Variants in UBXN6 observed in about 807,000 individuals in gnomAD.
UBXN6 encodes UBX domain protein 6.
UBXN6 carries 44 observed loss-of-function variants against 51.4 expected under a neutral mutation model. The observed-to-expected ratio is 0.86, with a 90% CI of 0.67 to 1.10. UBXN6 has a LOEUF of 1.10. UBXN6 is among the 50% of genes least tolerant of loss of function. UBXN6 has a pLI of 0.00. For missense variants in UBXN6, 672 were observed against 596.1 expected, an observed-to-expected ratio of 1.13 and a Z score of -1.32; for synonymous variants, 316 against 263.2, an observed-to-expected ratio of 1.20 and a Z score of -1.94.
At position 4,446,132 on chromosome 19, in the gene UBXN6, C is replaced by A. The variant is rs754611823; in HGVS notation, c.1117G>T (p.Asp373Tyr). ...YGFVREALQSDWLPFELLASG... is the reference protein window; with the variant it reads ...YGFVREALQSYWLPFELLASG... ...GCCAGCAGCTCAAAAGGCAGCCAGT[C>A]GCTCTGCAGGGCCTCCCGGACGAAC... The change falls in exon 10 of 11, where the codon GAC becomes TAC. Residue 373 changes from aspartate (D) to tyrosine (Y), a missense_variant. Physicochemically the swap from Asp to Tyr is radical, Grantham distance 160 (BLOSUM62 -3). Coordinates refer to ENST00000301281, the MANE Select transcript of UBXN6 (RefSeq NM_025241.3). 65 of 1,612,348 alleles carry A rather than the reference C, an allele frequency of 4.0e-5. 1 individual carries two copies. The South Asian group carries it at 4.6e-4, about 11-fold the overall frequency.
chr19:4,457,803 A>ATT (rs1568194788), upstream of UBXN6: 114 of 522,252 alleles, frequency 2.2e-4, 2 homozygotes, highest in Non-Finnish European at 2.7e-4. Context: ...ATTAAAAAAA[A>ATT]AAAAAAAAAA....
chr19:4,451,018 A>T (rs1974644737), intron 4 of UBXN6, among the ~76,000 whole-genome samples: 1 of 152,026 alleles, frequency 6.6e-6, no homozygotes, highest in African/African-American at 2.4e-5. Flanking sequence ...AGTGGGTGTG[A>T]GTCTGGAGAG....
At position 4,453,967 on chromosome 19, in the gene UBXN6, G is replaced by A; in HGVS notation, c.210C>T (p.Ala70=). 6.2e-7 allele frequency: 1 copy of A among 1,611,286 alleles called. No individual in the cohort carries two copies. Among genetic ancestry groups the A allele is most frequent in the Non-Finnish European group, 8.5e-7 (1 of 1,179,838 alleles). Residue 70 remains alanine (A), a synonymous_variant, in exon 2 of 11, where the codon GCC becomes GCT. Transcript: ENST00000301281. ...LARLEQKQSR[A]WGPTSQDTIR... ...TGGTGTCCTGCGATGTGGGGCCCCAGGCCCGGGACTGCTTCTGCTCCAGCC... is the reference window on the plus strand; with the variant it reads ...TGGTGTCCTGCGATGTGGGGCCCCAAGCCCGGGACTGCTTCTGCTCCAGCC...
intron 1 of UBXN6, among the ~76,000 whole-genome samples, chr19:4,454,351 G>A (rs1974707714): frequency 6.6e-6 from 1 of 152,164 alleles, no homozygotes; most frequent in Admixed American, 6.6e-5. Flanking sequence ...TGCCCCCACT[G>A]GCCCTCAGCG....
At chr19:4,445,827 C>T (rs1459222045) in intron 10 of UBXN6, 19 of 1,042,410 alleles carry the variant, frequency 1.8e-5, no homozygotes, top group Middle Eastern at 6.3e-4. Flanking sequence ...AGCTAACGCA[C>T]GTCACCGCTC....
Position 4,453,530 on chromosome 19 carries a change from G to A in UBXN6, c.248-8C>T, listed in dbSNP as rs2145187429. 1 of 1,613,312 alleles carries A rather than the reference G, an allele frequency of 6.2e-7. No homozygotes were observed. The highest frequency in any genetic ancestry group is 2.2e-5 in the East Asian group (1 of 44,876). ...CTTGAAGTTCCTTTCTCACTGGAAG[G>A]CAGCCCAAGAAAGAGAGGCAGAGAC... On this transcript the variant is annotated splice_polypyrimidine_tract_variant and splice_region_variant and intron_variant, in intron 2 of 10. Coordinates refer to ENST00000301281, the MANE Select transcript of UBXN6 (RefSeq NM_025241.3).
At position 4,446,865 on chromosome 19, in the gene UBXN6, T is replaced by C. The variant is rs1974542434; in HGVS notation, c.671A>G (p.Gln224Arg). 1 of 1,613,934 alleles carries C rather than the reference T, an allele frequency of 6.2e-7. No individual in the cohort carries two copies. Among genetic ancestry groups the C allele is most frequent in the African/African-American group, 1.3e-5 (1 of 74,940 alleles). ...THEFFEAIGF[Q>R]KVLLPAQDQE... The stretch of plus-strand genomic sequence containing the variant: ...ATCCTGGGCGGGAAGCAACACCTTC[T>C]GGAACCCAATGGCCTCAAAAAACTC... Residue 224 changes from glutamine (Q) to arginine (R), a missense_variant, in exon 7 of 11, where the codon CAG becomes CGG. Gln to Arg is a conservative substitution (Grantham distance 43). Transcript: ENST00000301281.
upstream of UBXN6, chr19:4,457,794 TTAAAAAA>T (rs1466094626): frequency 9.1e-4 from 147 of 161,458 alleles, 9 homozygotes; most frequent in Middle Eastern, 9.2e-3. Flanking sequence ...CGGAAGAAAA[TTAAAAAA>T]AAAAAAAAAA....
intron 3 of UBXN6, 125 bp from the exon 4 acceptor site, chr19:4,452,617 A>C: frequency 7.5e-7 from 1 of 1,332,594 alleles, no homozygotes; most frequent in Non-Finnish European, 9.9e-7. Context: ...TGTCCCTTCC[A>C]CCTGGTGGCC....
chr19:4,452,561 AGTCCTGAGTG>A, intron 3 of UBXN6, 69 bp from the exon 4 acceptor site: 1 of 1,536,140 alleles, frequency 6.5e-7, no homozygotes. Flanking sequence ...CGAGCACCAC[AGTCCTGAGTG>A]TGGCCCGTAG....
rs1974491778 is a variant in UBXN6, at chr19:4,445,584, CAGCCATGTCCCACGAGA to C, written c.1223_1239del (p.Phe408CysfsTer31). The C allele has an allele frequency of 3.1e-6, 5 of 1,613,752 alleles. No homozygotes were observed. Among genetic ancestry groups the C allele is most frequent in the Non-Finnish European group, 4.2e-6 (5 of 1,180,004 alleles). On this transcript the variant is annotated frameshift_variant, in exon 11 of 11. Transcript: ENST00000301281. LOFTEE classifies it high-confidence loss of function. ...CCCGCGGCCTTGATGTCCTCCAGCA[CAGCCATGTCCCACGAGA>C]AGGTCAGGAGGGCAGAGGGCACCTG...
rs1169390216 is a variant in UBXN6 at position 4,453,388 on chromosome 19, CT to C, written c.312+69del. 10 of 1,547,446 alleles carry C rather than the reference CT, an allele frequency of 6.5e-6. No homozygotes were observed. In the African/African-American group the frequency reaches 1.4e-4, roughly 21 times the overall value. On this transcript the variant is annotated intron_variant, in intron 3 of 10. Transcript: ENST00000301281. ...TGAGCCCCAAGGGCAGAGGCCACAT[CT>C]CCCCCGTGACACAGTCAAGCTGTCC...
At chr19:4,447,467 C>A in intron 6 of UBXN6, 83 bp downstream of exon 6, 2 of 1,503,700 alleles carry the variant, frequency 1.3e-6, no homozygotes, top group Middle Eastern at 2.3e-4. Flanking sequence ...GAGCCCACCG[C>A]CTGGTGTGGG....
At chr19:4,446,767 C>G in intron 7 of UBXN6, 48 bp from the exon 8 acceptor site, 1 of 1,612,040 alleles carries the variant, frequency 6.2e-7, no homozygotes, top group Non-Finnish European at 8.5e-7. Flanking sequence ...GAGAGACCCC[C>G]AAGCCGGGCC....
At position 4,445,285 on chromosome 19, in the gene UBXN6, C is replaced by A; in HGVS notation, c.*213G>T. On this transcript the variant is annotated 3_prime_UTR_variant, in exon 11 of 11. Transcript: ENST00000301281. ...ATTTGTTGGTGTCCCCAGGCCTCTC[C>A]CTCGGGGGCTTGGGCGCATCCCCAC... is the stretch of plus-strand genomic sequence containing the variant. 4 of 733,000 alleles carry A rather than the reference C, an allele frequency of 5.5e-6. No individual in the cohort carries two copies. Among genetic ancestry groups the A allele is most frequent in the Non-Finnish European group, 8.8e-6 (4 of 453,850 alleles). 45.4% of individuals were successfully genotyped at this position (733,000 alleles called of 1,614,324 possible). A position where few individuals can be genotyped will look rare whatever the true frequency, so the allele number is the denominator to read the frequency against.
chr19:4,453,862 AGGGCC>A (rs1599680795), intron 2 of UBXN6, 63 bp downstream of exon 2: 2 of 771,002 alleles, frequency 2.6e-6, no homozygotes, highest in East Asian at 3.0e-4. Context: ...TTCTGCATCC[AGGGCC>A]AGGCACCAGG....
At chr19:4,454,360 C>T (rs559917487) in intron 1 of UBXN6, among the ~76,000 whole-genome samples, 1 of 152,214 alleles carries the variant, frequency 6.6e-6, no homozygotes, top group East Asian at 1.9e-4. Flanking sequence ...TGGCCCTCAG[C>T]GTCCTCATCT....
intron 1 of UBXN6, among the ~76,000 whole-genome samples, chr19:4,456,291 C>G (rs1271546944): frequency 6.7e-6 from 1 of 150,220 alleles, no homozygotes; most frequent in Non-Finnish European, 1.5e-5. Flanking sequence ...ACCCCTCTCC[C>G]TCCCTCACTC....
In UBXN6 at chr19:4,445,284, C is replaced by T. The variant is rs1974481495; in HGVS notation, c.*214G>A. On this transcript the variant is annotated 3_prime_UTR_variant, in exon 11 of 11. Transcript: ENST00000301281. The stretch of plus-strand genomic sequence containing the variant: ...GATTTGTTGGTGTCCCCAGGCCTCT[C>T]CCTCGGGGGCTTGGGCGCATCCCCA... 4.2e-6 allele frequency: 3 copies of T among 722,346 alleles called. No individual in the cohort carries two copies. Among genetic ancestry groups the T allele is most frequent in the African/African-American group, 1.8e-5 (1 of 56,136 alleles). 44.7% of individuals were successfully genotyped at this position (722,346 alleles called of 1,614,324 possible).
Sources: gnomAD v4.1 joint callset for allele counts (sites outside exome capture counted in the v4.1 genomes callset) on GRCh38, gnomAD v4.1.1 for gene constraint, MANE v1.5 for transcripts, NCBI Gene and HGNC (gene_info 2026-07-23, HGNC 2026-07-21) for gene names.